The following INSC variants were observed in gnomAD, a reference collection of about 807,000 sequenced individuals.
The protein encoded by INSC is protein inscuteable homolog.
Under a neutral mutation model 58.6 loss-of-function variants are expected in INSC, and 67 were observed. The ratio of observed to expected loss-of-function variants is 1.14; its 90% CI spans 0.94 to 1.40. The LOEUF is 1.40. Ranked by LOEUF, INSC falls within the 40% of genes most tolerant of loss-of-function variation. The pLI is 0.00. For synonymous variants in INSC, 262 were observed against 276.1 expected, an observed-to-expected ratio of 0.95 and a Z score of 0.51; for missense variants, 714 against 692.0, an observed-to-expected ratio of 1.03 and a Z score of -0.36.
At chr11:15,131,940 C>A (rs1212471204) in intron 1 of INSC, among the ~76,000 whole-genome samples, 1 of 152,110 alleles carries the variant, frequency 6.6e-6, no homozygotes, top group African/African-American at 2.4e-5. Context: ...TAGTTTAGCT[C>A]ATTTCCCCTT....
chr11:15,130,619 T>C (rs1200340493), intron 1 of INSC, among the ~76,000 whole-genome samples: 1 of 152,212 alleles, frequency 6.6e-6, no homozygotes, highest in Non-Finnish European at 1.5e-5. Flanking sequence ...AAGTGTGTTT[T>C]CTCTTTTCCT....
intron 2 of INSC, among the ~76,000 whole-genome samples, chr11:15,163,017 A>G (rs1156354641): frequency 1.3e-5 from 2 of 152,172 alleles, no homozygotes; most frequent in Non-Finnish European, 1.5e-5. Context: ...ATCTATATGA[A>G]TCAGTGTCCA....
chr11:15,178,214 G>C (rs1484080508), intron 4 of INSC, 110 bp from the exon 5 acceptor site: 2 of 1,424,952 alleles, frequency 1.4e-6, no homozygotes, highest in Non-Finnish European at 1.9e-6. Flanking sequence ...AGTTGCCAAT[G>C]TCTTCAGCAC....
chr11:15,128,171 C>T (rs889022259), intron 1 of INSC, among the ~76,000 whole-genome samples: 9 of 152,094 alleles, frequency 5.9e-5, no homozygotes, highest in African/African-American at 2.2e-4. Flanking sequence ...TTCCAGATCT[C>T]TTGCTTACAT....
At chr11:15,197,847 T>C (rs1335403377) in intron 6 of INSC, among the ~76,000 whole-genome samples, 1 of 152,222 alleles carries the variant, frequency 6.6e-6, no homozygotes, top group Non-Finnish European at 1.5e-5. Context: ...CTCTTCCCAC[T>C]TTATGACAGC....
chr11:15,117,886 G>A (rs975730596), intron 1 of INSC, among the ~76,000 whole-genome samples: 1 of 152,170 alleles, frequency 6.6e-6, no homozygotes, highest in Non-Finnish European at 1.5e-5. Flanking sequence ...CAGACAAGGG[G>A]GATAGTTGAG....
At chr11:15,151,475 T>C (rs1848648464) in intron 2 of INSC, among the ~76,000 whole-genome samples, 1 of 151,650 alleles carries the variant, frequency 6.6e-6, no homozygotes, top group Non-Finnish European at 1.5e-5. Flanking sequence ...CCCTGGGGGG[T>C]GGTCAAAGAT....
At chr11:15,148,177 G>T (rs1162913652) in intron 1 of INSC, among the ~76,000 whole-genome samples, 2 of 152,140 alleles carry the variant, frequency 1.3e-5, no homozygotes, top group Non-Finnish European at 2.9e-5. Flanking sequence ...CCTGGAACCT[G>T]GGTTACTCTT....
At chr11:15,172,466 C>A (rs1000364109) in intron 2 of INSC, among the ~76,000 whole-genome samples, 1 of 152,208 alleles carries the variant, frequency 6.6e-6, no homozygotes, top group African/African-American at 2.4e-5. Context: ...AAGCCAGGCA[C>A]AAGAGACTGT....
At chr11:15,191,883 T>C (rs1254717214) in intron 6 of INSC, among the ~76,000 whole-genome samples, 2 of 152,196 alleles carry the variant, frequency 1.3e-5, no homozygotes, top group African/African-American at 2.4e-5. Context: ...TCTATTGTTT[T>C]TTCACCAAAG....
intron 7 of INSC, among the ~76,000 whole-genome samples, chr11:15,206,633 G>A (rs997628768): frequency 6.6e-6 from 1 of 152,136 alleles, no homozygotes; most frequent in African/African-American, 2.4e-5. Flanking sequence ...TGGCCTTCCT[G>A]GAGGACTGGA....
At chr11:15,263,255 G>A in the INSC span, among the ~76,000 whole-genome samples, 113,989 of 152,008 alleles carry the variant, frequency 0.75, 42,934 homozygotes, top group Middle Eastern at 0.84. Context: ...TGAAACTGGA[G>A]TTCCAGAAGA....
intron 1 of INSC, among the ~76,000 whole-genome samples, chr11:15,133,549 T>A (rs1848172587): frequency 6.6e-6 from 1 of 151,844 alleles, no homozygotes; most frequent in Admixed American, 6.6e-5. Flanking sequence ...ATAGACGGTT[T>A]ATTTTCCATT....
the INSC span, among the ~76,000 whole-genome samples, chr11:15,253,198 A>G: frequency 1.3e-5 from 2 of 152,256 alleles, no homozygotes; most frequent in African/African-American, 4.8e-5. Context: ...TTCTTGCTTA[A>G]TAACAATATT....
intron 5 of INSC, among the ~76,000 whole-genome samples, chr11:15,186,926 A>G (rs1336689936): frequency 6.6e-6 from 1 of 152,204 alleles, no homozygotes; most frequent in African/African-American, 2.4e-5. Flanking sequence ...TTTAAGGGTC[A>G]GTAATTTGGA....
At chr11:15,138,150 A>G (rs753599854) in intron 1 of INSC, among the ~76,000 whole-genome samples, 4 of 112,266 alleles carry the variant, frequency 3.6e-5, no homozygotes, top group African/African-American at 1.4e-4. Flanking sequence ...TAAGTTTGCC[A>G]TCTTATGGGG....
At chr11:15,113,141 CTT>C (rs1554899385), upstream of INSC, among the ~76,000 whole-genome samples, 566 of 132,038 alleles carry the variant, frequency 4.3e-3, 4 homozygotes, top group African/African-American at 0.015. Context: ...TTCTTTCTTT[CTT>C]TCTGTCTCTC....
At chr11:15,147,205 T>A (rs1291793341) in intron 1 of INSC, among the ~76,000 whole-genome samples, 1 of 152,246 alleles carries the variant, frequency 6.6e-6, no homozygotes, top group Non-Finnish European at 1.5e-5. Context: ...CTCATTTTAT[T>A]GTTCCTAGTT....
intron 1 of INSC, among the ~76,000 whole-genome samples, chr11:15,123,404 C>A (rs1847920058): frequency 6.6e-6 from 1 of 152,076 alleles, no homozygotes. Context: ...CTGACACATG[C>A]CACAAATATA....
Sources: gnomAD v4.1 joint callset for allele counts (sites outside exome capture counted in the v4.1 genomes callset) on GRCh38, gnomAD v4.1.1 for gene constraint, MANE v1.5 for transcripts, NCBI Gene and HGNC (gene_info 2026-07-23, HGNC 2026-07-21) for gene names.